The following CDH1 variants were observed in gnomAD, a reference collection of about 807,000 sequenced individuals.
CDH1 encodes cadherin 1, also known as cadherin-1.
CDH1 carries 35 observed loss-of-function variants against 84.5 expected under a neutral mutation model. That is an observed-to-expected ratio of 0.41 (90% confidence interval 0.32 to 0.55). CDH1 has a LOEUF of 0.55. CDH1 is among the 20% of genes least tolerant of loss of function. The pLI is 0.19. For synonymous variants in CDH1, 417 were observed against 439.0 expected, an observed-to-expected ratio of 0.95 and a Z score of 0.63; for missense variants, 994 against 1,126.6, an observed-to-expected ratio of 0.88 and a Z score of 1.68.
At chr16:68,819,746 A>C (rs774927564) in intron 11 of CDH1, among the ~76,000 whole-genome samples, 3 of 152,000 alleles carry the variant, frequency 2.0e-5, no homozygotes, top group Non-Finnish European at 2.9e-5. Flanking sequence ...ATCTACATCC[A>C]TGTGTACACA....
intron 10 of CDH1, among the ~76,000 whole-genome samples, chr16:68,816,502 T>C (rs1015483535): frequency 6.6e-5 from 10 of 152,276 alleles, no homozygotes; most frequent in African/African-American, 2.2e-4. Context: ...TCCCAAAACT[T>C]AGGGAGGCCT....
chr16:68,769,977 G>A (rs866200464), intron 2 of CDH1, among the ~76,000 whole-genome samples: 8 of 146,828 alleles, frequency 5.4e-5, no homozygotes, highest in Non-Finnish European at 9.0e-5. Flanking sequence ...CACCGCAGCT[G>A]GCTTTTTTTT....
At chr16:68,743,784 G>A (rs568680596) in intron 2 of CDH1, among the ~76,000 whole-genome samples, 2 of 152,328 alleles carry the variant, frequency 1.3e-5, no homozygotes, top group Admixed American at 1.3e-4. Context: ...GGAAGTACAG[G>A]AAACTAGGTT....
intron 2 of CDH1, among the ~76,000 whole-genome samples, chr16:68,764,958 A>C (rs1217543587): frequency 6.6e-6 from 1 of 152,178 alleles, no homozygotes; most frequent in East Asian, 1.9e-4. Context: ...GGAAAGAGGC[A>C]TCACTTTTAT....
intron 2 of CDH1, among the ~76,000 whole-genome samples, chr16:68,781,093 T>A (rs890378433): frequency 2.0e-4 from 30 of 152,234 alleles, no homozygotes; most frequent in African/African-American, 6.8e-4. Context: ...TCTGTCTCCA[T>A]GTTCTCCTCT....
chr16:68,775,884 C>G (rs1005065987), intron 2 of CDH1, among the ~76,000 whole-genome samples: 5 of 152,198 alleles, frequency 3.3e-5, no homozygotes, highest in African/African-American at 1.2e-4. Flanking sequence ...CTTTACATTT[C>G]CCCTGTCTTC....
At chr16:68,739,388 A>T (rs1002718588) in intron 2 of CDH1, among the ~76,000 whole-genome samples, 1 of 151,976 alleles carries the variant, frequency 6.6e-6, no homozygotes, top group Admixed American at 6.6e-5. Context: ...CCGCACTCCA[A>T]CCTGGGTGAC....
intron 15 of CDH1, among the ~76,000 whole-genome samples, chr16:68,832,028 C>G (rs58885121): frequency 0.039 from 5,940 of 152,172 alleles, 165 homozygotes; most frequent in East Asian, 0.074. Flanking sequence ...CAAACTAATG[C>G]AGGAACAGAA....
rs587782796 is a variant in CDH1, at chr16:68,815,629, G to C, written c.1435G>C (p.Asp479His). The C allele has an allele frequency of 6.2e-7, 1 of 1,614,214 alleles. No homozygotes were observed. The highest frequency in any genetic ancestry group is 8.5e-7 in the Non-Finnish European group (1 of 1,180,038). The change falls in exon 10 of 16, where the codon GAT becomes CAT. Residue 479 changes from aspartate (D) to histidine (H), a missense_variant. Asp to His is a moderately conservative substitution (Grantham distance 81). Coordinates refer to ENST00000261769, the MANE Select transcript of CDH1 (RefSeq NM_004360.5). ...STATVTVDVL[D>H]VNEAPIFVPP... is the part of the protein sequence containing the mutation. ...AGCCACCGTCACCGTGGATGTGCTG[G>C]ATGTGAATGAAGCCCCCATCTTTGT...
chr16:68,737,341 G>GACTCCAGCCC lies in CDH1; in HGVS notation c.-74_-65dup, dbSNP rs1361441216. On this transcript the variant is annotated 5_prime_UTR_variant, in exon 1 of 16. Coordinates refer to ENST00000261769, the MANE Select transcript of CDH1 (RefSeq NM_004360.5). ...CTGTGAGCTTGCGGAAGTCAGTTCA[G>GACTCCAGCCC]ACTCCAGCCCGCTCCAGCCCGGCCC... 7.7e-7 allele frequency: 1 copy of GACTCCAGCCC among 1,301,624 alleles called. No individual in the cohort carries two copies. Among genetic ancestry groups the GACTCCAGCCC allele is most frequent in the Non-Finnish European group, 1.1e-6 (1 of 948,494 alleles). 80.6% of individuals were successfully genotyped at this position (1,301,624 alleles called of 1,614,324 possible).
At chr16:68,745,547 A>ATATATATATATATATGTAT (rs1491171815) in intron 2 of CDH1, among the ~76,000 whole-genome samples, 45 of 21,980 alleles carry the variant, frequency 2.0e-3, no homozygotes, top group African/African-American at 3.8e-3. Context: ...AAAAAAAAAA[A>ATATATATATATATATGTAT]AAATATATAT....
intron 2 of CDH1, among the ~76,000 whole-genome samples, chr16:68,764,452 C>T (rs1161521481): frequency 1.3e-5 from 2 of 152,208 alleles, no homozygotes; most frequent in African/African-American, 2.4e-5. Flanking sequence ...TGCTGTGCAC[C>T]TGTAGTCCAA....
At chr16:68,744,747 C>CATA (rs1962676872) in intron 2 of CDH1, among the ~76,000 whole-genome samples, 1 of 152,156 alleles carries the variant, frequency 6.6e-6, no homozygotes, top group African/African-American at 2.4e-5. Context: ...GTAAAATGAG[C>CATA]ATAATAGCAT....
Position 68,813,744 on chromosome 16 carries a change from C to T in CDH1, c.1320+249C>T, listed in dbSNP as rs377023357. 2.0e-4 allele frequency among the ~76,000 whole-genome samples: 31 copies of T among 152,126 alleles called. No homozygotes were observed. In the East Asian group the frequency reaches 5.0e-3, roughly 25 times the overall value. On this transcript the variant is annotated intron_variant, in intron 9 of 15. Coordinates refer to ENST00000261769, the MANE Select transcript of CDH1 (RefSeq NM_004360.5). ...TAGGGACGCTGAGGCAGGCAGATCA[C>T]GAGGTCAGGAGTTTGAGTCTCTGCT...
intron 3 of CDH1, among the ~76,000 whole-genome samples, chr16:68,806,821 G>T (rs1326803178): frequency 1.3e-5 from 2 of 152,344 alleles, no homozygotes; most frequent in Non-Finnish European, 2.9e-5. Flanking sequence ...CTCTCTAGGA[G>T]ACAAACACAG....
rs2152132139 is a variant in CDH1, at chr16:68,811,838, C to CA, written c.988dup (p.Thr330AsnfsTer20). ...GGAACACAGGAGTCATCAGTGTGGT[C>CA]ACCACTGGGCTGGACCGAGAGGTCA... On this transcript the variant is annotated frameshift_variant, in exon 7 of 16. Coordinates refer to ENST00000261769, the MANE Select transcript of CDH1 (RefSeq NM_004360.5). LOFTEE classifies it high-confidence loss of function. 6.2e-7 allele frequency: 1 copy of CA among 1,614,160 alleles called. No individual in the cohort carries two copies. The highest frequency in any genetic ancestry group is 8.5e-7 in the Non-Finnish European group (1 of 1,180,026).
In CDH1 at chr16:68,833,807, C is replaced by T. The variant is rs1482789868; in HGVS notation, c.*308C>T. 10 of 426,224 alleles carry T rather than the reference C, an allele frequency of 2.3e-5. No individual in the cohort carries two copies. Among genetic ancestry groups the T allele is most frequent in the Admixed American group, 4.0e-5 (1 of 25,250 alleles). The allele number at this position is 426,224 out of a possible 1,614,324, so 26.4% of individuals were successfully genotyped here. ...AACAACTTTAGCATCAGAAGGTTCA[C>T]CCAGCACCTTGCAGATTTTCTTAAG... On this transcript the variant is annotated 3_prime_UTR_variant, in exon 16 of 16. Coordinates refer to ENST00000261769, the MANE Select transcript of CDH1 (RefSeq NM_004360.5).
chr16:68,815,556 A>T lies in CDH1; in HGVS notation c.1362A>T (p.Val454=), dbSNP rs2152134754. The change falls in exon 10 of 16, where the codon GTA becomes GTT. Residue 454 remains valine, a synonymous_variant. Coordinates refer to ENST00000261769, the MANE Select transcript of CDH1 (RefSeq NM_004360.5). ...FEAKQQYILH[V]AVTNVVPFEV... ...CCAAGCAGCAGTACATTCTACACGT[A>T]GCAGTGACGAATGTGGTACCTTTTG... The T allele has an allele frequency of 6.2e-7, 1 of 1,614,210 alleles. No individual in the cohort carries two copies.
At chr16:68,748,455 A>C (rs1259895586) in intron 2 of CDH1, among the ~76,000 whole-genome samples, 1 of 152,194 alleles carries the variant, frequency 6.6e-6, no homozygotes, top group East Asian at 1.9e-4. Context: ...GTTGGTGTGT[A>C]TATTTATGGG....
Sources: gnomAD v4.1 joint callset for allele counts (sites outside exome capture counted in the v4.1 genomes callset) on GRCh38, gnomAD v4.1.1 for gene constraint, MANE v1.5 for transcripts, NCBI Gene and HGNC (gene_info 2026-07-23, HGNC 2026-07-21) for gene names.